TAAR5: variants seen among roughly 807,000 people sequenced by gnomAD.
TAAR5 encodes the protein trace amine associated receptor 5, also known as trace amine-associated receptor 5.
In TAAR5, 27 loss-of-function variants were observed where a neutral mutation model predicts 21.1. That is an observed-to-expected ratio of 1.28 (90% CI 0.94 to 1.76). The LOEUF (loss-of-function observed/expected upper bound fraction) is 1.76. TAAR5 is among the 40% of genes most tolerant of loss of function. TAAR5 has a pLI of 0.00. For missense variants in TAAR5, 495 were observed against 405.6 expected, an observed-to-expected ratio of 1.22 and a Z score of -1.89; for synonymous variants, 203 against 167.5, an observed-to-expected ratio of 1.21 and a Z score of -1.64.
At chr6:132,606,197 T>C in the TAAR5 span, among the ~76,000 whole-genome samples, 1 of 152,140 alleles carries the variant, frequency 6.6e-6, no homozygotes, top group Non-Finnish European at 1.5e-5. Flanking sequence ...ACTCCAAACA[T>C]CAGCATCGTG....
chr6:132,594,840 C>A, the TAAR5 span: 3 of 152,164 alleles, frequency 2.0e-5, no homozygotes, highest in Non-Finnish European at 4.4e-5. Flanking sequence ...CAGTACCCCC[C>A]CAGAGCTTAT....
chr6:132,610,207 T>A, the TAAR5 span, among the ~76,000 whole-genome samples: 1 of 152,180 alleles, frequency 6.6e-6, no homozygotes, highest in Non-Finnish European at 1.5e-5. Flanking sequence ...GCTTTGCTAT[T>A]TGCTTCGGAA....
chr6:132,613,699 A>G, the TAAR5 span, among the ~76,000 whole-genome samples: 1 of 152,222 alleles, frequency 6.6e-6, no homozygotes, highest in African/African-American at 2.4e-5. Context: ...GGACACATTC[A>G]TTTTAGTAGG....
At chr6:132,597,230 A>T in the TAAR5 span, among the ~76,000 whole-genome samples, 1 of 152,178 alleles carries the variant, frequency 6.6e-6, no homozygotes, top group Non-Finnish European at 1.5e-5. Context: ...CATATATTAC[A>T]GTTACATATA....
chr6:132,593,914 G>T (rs558317249), upstream of TAAR5, among the ~76,000 whole-genome samples: 696 of 152,120 alleles, frequency 4.6e-3, 2 homozygotes, highest in Non-Finnish European at 7.4e-3. Context: ...CTCCCTTTCC[G>T]CATCACTAGC....
chr6:132,589,189 A>G lies in TAAR5; in HGVS notation c.498T>C (p.Thr166=). The change falls in exon 1 of 1, where the codon ACT becomes ACC. Residue 166 remains threonine, a synonymous_variant. Coordinates refer to ENST00000258034, the MANE Select transcript of TAAR5 (RefSeq NM_003967.3). ...LAGWGVPAAY[T]SLFLYTDVVE... Reference sequence around the variant, plus strand: ...CCACATCTGTGTAGAGGAATAACGAAGTGTATGCTGCGGGCACCCCCCATC... The same window carrying G: ...CCACATCTGTGTAGAGGAATAACGAGGTGTATGCTGCGGGCACCCCCCATC... 6.2e-7 allele frequency: 1 copy of G among 1,606,356 alleles called. No homozygotes were observed. Among genetic ancestry groups the G allele is most frequent in the Non-Finnish European group, 8.5e-7 (1 of 1,176,176 alleles).
In TAAR5 at chr6:132,589,515, C is replaced by T. The variant is rs748829211; in HGVS notation, c.172G>A (p.Ala58Thr). The T allele has an allele frequency of 1.2e-6, 2 of 1,613,946 alleles. No homozygotes were observed. Among genetic ancestry groups the T allele is most frequent in the Non-Finnish European group, 1.7e-6 (2 of 1,179,956 alleles). Residue 58 changes from alanine to threonine, a missense_variant, in exon 1 of 1, where the codon GCT becomes ACT. Physicochemically the swap from Ala to Thr is moderately conservative, Grantham distance 58. Coordinates refer to ENST00000258034, the MANE Select transcript of TAAR5 (RefSeq NM_003967.3). ...IVLGNVFVAF[A>T]VSYFKALHTP... The stretch of plus-strand genomic sequence containing the variant: ...TGAAGCGCTTTGAAGTAGGACACAG[C>T]AAATGCCACAAATACATTCCCTAGC...
Position 132,588,607 on chromosome 6 carries a change from C to G in TAAR5, c.*66G>C. ...CCCACAAACTCAACACCACACAGCCCACGGTCACAGTGCCACTTATCTTTC... is the reference window on the plus strand; with the variant it reads ...CCCACAAACTCAACACCACACAGCCGACGGTCACAGTGCCACTTATCTTTC... On this transcript the variant is annotated 3_prime_UTR_variant, in exon 1 of 1. Coordinates refer to ENST00000258034, the MANE Select transcript of TAAR5 (RefSeq NM_003967.3). 2.0e-6 allele frequency: 3 copies of G among 1,536,852 alleles called. No homozygotes were observed. Among genetic ancestry groups the G allele is most frequent in the Non-Finnish European group, 2.6e-6 (3 of 1,132,498 alleles).
the TAAR5 span, among the ~76,000 whole-genome samples, chr6:132,595,832 A>G: frequency 5.9e-5 from 9 of 152,208 alleles, no homozygotes; most frequent in Admixed American, 5.2e-4. Flanking sequence ...CTCAAGGATT[A>G]TGAAGAACTG....
rs530575584 is a variant in TAAR5, at chr6:132,589,646, G to A, written c.41C>T (p.Ala14Val). The change falls in exon 1 of 1, where the codon GCG (alanine) becomes GTG (valine). Residue 14 changes from alanine to valine, a missense_variant. Coordinates refer to ENST00000258034, the MANE Select transcript of TAAR5 (RefSeq NM_003967.3). ...VFIQGAEEHP[A>V]AFCYQVNGSC... ...CCCATTCACCTGGTAGCAGAATGCC[G>A]CAGGGTGCTCTTCAGCACCTTGGAT... 53 of 1,605,302 alleles carry A rather than the reference G, an allele frequency of 3.3e-5. No individual in the cohort carries two copies. The highest frequency in any genetic ancestry group is 4.5e-5 in the East Asian group (2 of 44,566).
At chr6:132,601,003 G>A in the TAAR5 span, among the ~76,000 whole-genome samples, 10 of 67,918 alleles carry the variant, frequency 1.5e-4, no homozygotes, top group East Asian at 5.3e-4. Flanking sequence ...GAGGGAAGGA[G>A]GGAAGGAAGG....
At chr6:132,597,668 T>G in the TAAR5 span, among the ~76,000 whole-genome samples, 1 of 152,218 alleles carries the variant, frequency 6.6e-6, no homozygotes, top group South Asian at 2.1e-4. Flanking sequence ...CAATAACATT[T>G]CCCCCAAGCA....
the TAAR5 span, among the ~76,000 whole-genome samples, chr6:132,613,868 C>G: frequency 6.6e-6 from 1 of 152,210 alleles, no homozygotes; most frequent in Non-Finnish European, 1.5e-5. Flanking sequence ...AAAAGTGACA[C>G]TACTGCCATA....
chr6:132,598,451 G>A, the TAAR5 span, among the ~76,000 whole-genome samples: 1 of 152,148 alleles, frequency 6.6e-6, no homozygotes, highest in Non-Finnish European at 1.5e-5. Flanking sequence ...TAATTAGGCT[G>A]GTGAAATTAA....
Position 132,588,825 on chromosome 6 carries a change from C to G in TAAR5, c.862G>C (p.Asp288His). The part of the protein sequence containing the change: ...LHFITPPLVF[D>H]IFIWFAYFNS... Reference sequence around the variant, plus strand: ...AAGTAAGCAAACCAGATAAAGATGTCAAAGACCAGTGGGGGTGTGATAAAG... The same window carrying G: ...AAGTAAGCAAACCAGATAAAGATGTGAAAGACCAGTGGGGGTGTGATAAAG... The change falls in exon 1 of 1, where the codon GAC becomes CAC. Residue 288 changes from aspartate to histidine, a missense_variant. Transcript: ENST00000258034. 6.2e-7 allele frequency: 1 copy of G among 1,614,042 alleles called. No homozygotes were observed. Among genetic ancestry groups the G allele is most frequent in the Non-Finnish European group, 8.5e-7 (1 of 1,179,986 alleles).
chr6:132,614,977 C>G, the TAAR5 span, among the ~76,000 whole-genome samples: 1 of 152,154 alleles, frequency 6.6e-6, no homozygotes, highest in African/African-American at 2.4e-5. Context: ...GATTCTCCTG[C>G]CTCAGCCTCC....
chr6:132,596,101 A>G, the TAAR5 span, among the ~76,000 whole-genome samples: 1 of 152,216 alleles, frequency 6.6e-6, no homozygotes, highest in African/African-American at 2.4e-5. Context: ...AATATAAAGG[A>G]AAAACCCACA....
At position 132,588,715 on chromosome 6, in the gene TAAR5, G is replaced by C. The variant is rs1258737796; in HGVS notation, c.972C>G (p.Val324=). The change falls in exon 1 of 1, where the codon GTC becomes GTG. Residue 324 remains valine, a synonymous_variant. Coordinates refer to ENST00000258034, the MANE Select transcript of TAAR5 (RefSeq NM_003967.3). The part of the protein sequence containing the change: ...KALKLTLSQK[V]FSPQTRTVDL... ...CAACAGTGCGTGTCTGCGGTGAGAAGACCTTCTGGCTCAGTGTGAGTTTCA... is the reference window on the plus strand; with the variant it reads ...CAACAGTGCGTGTCTGCGGTGAGAACACCTTCTGGCTCAGTGTGAGTTTCA... The C allele has an allele frequency of 2.5e-6, 4 of 1,613,974 alleles. No individual in the cohort carries two copies. Among genetic ancestry groups the C allele is most frequent in the Admixed American group, 1.7e-5 (1 of 60,006 alleles).
rs34746740 is a variant in TAAR5 at position 132,588,872 on chromosome 6, G to A, written c.815C>T (p.Thr272Met). The change falls in exon 1 of 1, where the codon ACG (threonine) becomes ATG (methionine). Residue 272 changes from threonine to methionine, a missense_variant. Transcript: ENST00000258034. ...AAAGTGAAGGAGGCTGTCGACCATC[G>A]TGTCTATGGTGAAGGGCAGCCAGCA... ...LLCWLPFTIDTMVDSLLHFIT... is the reference protein window; with the variant it reads ...LLCWLPFTIDMMVDSLLHFIT... 1.8e-3 allele frequency: 2,835 copies of A among 1,614,112 alleles called. 27 individuals carry two copies. The African/African-American group carries it at 0.027, about 16-fold the overall frequency.
Sources: allele counts gnomAD v4.1 joint callset (sites outside exome capture counted in the v4.1 genomes callset), GRCh38; gene constraint gnomAD v4.1.1; transcripts MANE v1.5; gene names NCBI Gene and HGNC (gene_info 2026-07-23, HGNC 2026-07-21).